Variants in CASTOR2 observed in about 807,000 individuals in gnomAD.
CASTOR2 encodes the protein GATS protein like 2.
A neutral mutation model predicts 31.2 loss-of-function variants in CASTOR2; 8 were observed. The ratio of observed to expected loss-of-function variants is 0.26; its 90% CI spans 0.15 to 0.46. CASTOR2 has a LOEUF of 0.46. CASTOR2 is among the 20% of genes least tolerant of loss of function. The pLI, the probability that CASTOR2 is intolerant of heterozygous loss-of-function variation, is 0.99. For missense variants in CASTOR2, 216 were observed against 382.1 expected, an observed-to-expected ratio of 0.57 and a Z score of 3.62; for synonymous variants, 162 against 158.7, an observed-to-expected ratio of 1.02 and a Z score of -0.16.
In CASTOR2 at chr7:75,016,289, C is replaced by A. The variant is rs1258939647; in HGVS notation, c.185-1309C>A. On this transcript the variant is annotated intron_variant, in intron 2 of 8. Coordinates refer to ENST00000616305, the MANE Select transcript of CASTOR2 (RefSeq NM_001145064.3). ...CAGGGCTACTCAGGGTCTCTGTCTG[C>A]AGGACAGGGTGGAAGGGATGGCTCC... 2.0e-5 allele frequency among the ~76,000 whole-genome samples: 3 copies of A among 152,198 alleles called. No individual in the cohort carries two copies. In the East Asian group the frequency reaches 5.8e-4, roughly 29 times the overall value.
intron 1 of CASTOR2, among the ~76,000 whole-genome samples, chr7:75,003,620 T>G (rs1451182848): frequency 1.9e-4 from 29 of 151,622 alleles, no homozygotes; most frequent in East Asian, 3.9e-4. Flanking sequence ...CGTGGTGGCG[T>G]GCGCCTGTAG....
In CASTOR2 at chr7:75,026,055, G is replaced by C. The variant is rs954525982; in HGVS notation, c.*1356G>C. Reference sequence around the variant, plus strand: ...GAGGGAACCCGAGGGCCATGGGGAGGTGGACAGCCAGGTGGCAGGCCAGCT... The same window carrying C: ...GAGGGAACCCGAGGGCCATGGGGAGCTGGACAGCCAGGTGGCAGGCCAGCT... On this transcript the variant is annotated 3_prime_UTR_variant, in exon 9 of 9. Transcript: ENST00000616305. Among the ~76,000 whole-genome samples the C allele has an allele frequency of 8.8e-4, 134 of 152,322 alleles. 1 individual carries two copies. The highest frequency in any genetic ancestry group is 3.2e-3 in the African/African-American group (134 of 41,588).
chr7:75,024,996 G>A lies in CASTOR2; in HGVS notation c.*297G>A, dbSNP rs1373205915. Among the ~76,000 whole-genome samples, 1 of 152,204 alleles carries A rather than the reference G, an allele frequency of 6.6e-6. No individual in the cohort carries two copies. Among genetic ancestry groups the A allele is most frequent in the African/African-American group, 2.4e-5 (1 of 41,462 alleles). Reference sequence around the variant, plus strand: ...GCCCAGGGAGCTTGTGAGCTGATCCGCCTTCTCATCCGGCCTCACCCACGG... The same window carrying A: ...GCCCAGGGAGCTTGTGAGCTGATCCACCTTCTCATCCGGCCTCACCCACGG... On this transcript the variant is annotated 3_prime_UTR_variant, in exon 9 of 9. Transcript: ENST00000616305.
At chr7:75,017,900 G>A (rs1804903002) in intron 3 of CASTOR2, 90 bp from the exon 4 acceptor site, 1 of 1,613,526 alleles carries the variant, frequency 6.2e-7, no homozygotes. Context: ...TTCCAGGGTG[G>A]GGGCAGAGTC....
intron 1 of CASTOR2, among the ~76,000 whole-genome samples, chr7:74,998,242 C>T (rs1457880301): frequency 3.9e-5 from 6 of 152,296 alleles, no homozygotes; most frequent in South Asian, 2.1e-4. Context: ...TTACAGACCT[C>T]GTACCAAGCC....
At position 75,024,554 on chromosome 7, in the gene CASTOR2, C is replaced by T. The variant is rs1805077087; in HGVS notation, c.924+20C>T. On this transcript the variant is annotated intron_variant, in intron 8 of 8. Coordinates refer to ENST00000616305, the MANE Select transcript of CASTOR2 (RefSeq NM_001145064.3). ...GCACTTGTGAGTGTCCAGCGCCAGA[C>T]CCCTCCAGGGCAGGGCCGGGGTGGG... is the stretch of plus-strand genomic sequence containing the variant. The T allele has an allele frequency of 1.9e-6, 3 of 1,551,430 alleles. No homozygotes were observed. The highest frequency in any genetic ancestry group is 2.7e-5 in the African/African-American group (2 of 73,046).
intron 1 of CASTOR2, among the ~76,000 whole-genome samples, chr7:75,004,266 C>G (rs1804561118): frequency 6.6e-6 from 1 of 152,114 alleles, no homozygotes; most frequent in Non-Finnish European, 1.5e-5. Context: ...GTCCTCAAAG[C>G]AATTATAGAT....
chr7:74,996,484 A>T (rs1361408221), intron 1 of CASTOR2, among the ~76,000 whole-genome samples: 1 of 151,630 alleles, frequency 6.6e-6, no homozygotes, highest in Non-Finnish European at 1.5e-5. Context: ...TTTAGGGTCA[A>T]ATATTTCCAT....
chr7:75,017,670 G>A lies in CASTOR2; in HGVS notation c.257G>A (p.Gly86Asp). ...WLALNVVSGG[G>D]SFSSSQPIGV... The stretch of plus-strand genomic sequence containing the variant: ...GCCCTGAACGTGGTGTCCGGCGGTG[G>A]CAGCTTCTCCAGCTCCCAGCCCATC... Residue 86 changes from glycine to aspartate, a missense_variant, in exon 3 of 9, where the codon GGC becomes GAC. Coordinates refer to ENST00000616305, the MANE Select transcript of CASTOR2 (RefSeq NM_001145064.3). 6.2e-7 allele frequency: 1 copy of A among 1,614,034 alleles called. No individual in the cohort carries two copies. Among genetic ancestry groups the A allele is most frequent in the South Asian group, 1.1e-5 (1 of 91,084 alleles).
intron 1 of CASTOR2, among the ~76,000 whole-genome samples, chr7:75,007,330 C>A (rs1804629005): frequency 6.6e-6 from 1 of 152,034 alleles, no homozygotes; most frequent in Non-Finnish European, 1.5e-5. Context: ...GGGTTCTGGT[C>A]CCTGTTTTTG....
chr7:74,973,054 G>A (rs587615728), intron 1 of CASTOR2, among the ~76,000 whole-genome samples: 1 of 149,478 alleles, frequency 6.7e-6, no homozygotes, highest in South Asian at 2.1e-4. Context: ...CTCATTCCTC[G>A]CAACACATTG....
intron 1 of CASTOR2, 100 bp from the exon 2 acceptor site, chr7:75,007,894 C>CT (rs1354265515): frequency 3.8e-6 from 6 of 1,576,328 alleles, no homozygotes; most frequent in Non-Finnish European, 5.2e-6. Context: ...GGCCGGAACT[C>CT]TGGGTGAACT....
intron 7 of CASTOR2, among the ~76,000 whole-genome samples, chr7:75,023,829 G>A (rs1468389846): frequency 1.3e-5 from 2 of 152,278 alleles, no homozygotes; most frequent in East Asian, 3.9e-4. Flanking sequence ...CATTCATGAG[G>A]AATCCACCCT....
At chr7:75,022,753 C>T (rs1805035291) in intron 7 of CASTOR2, among the ~76,000 whole-genome samples, 3 of 152,194 alleles carry the variant, frequency 2.0e-5, no homozygotes, top group African/African-American at 4.8e-5. Flanking sequence ...GAGCCAAGAT[C>T]GCTCCATTGC....
chr7:75,009,459 G>A (rs1224745876), intron 2 of CASTOR2, among the ~76,000 whole-genome samples: 2 of 150,832 alleles, frequency 1.3e-5, no homozygotes, highest in East Asian at 2.0e-4. Flanking sequence ...TAGTAGAGAT[G>A]GGGTTTCACC....
At chr7:75,011,558 C>A (rs1329319403) in intron 2 of CASTOR2, among the ~76,000 whole-genome samples, 1 of 151,484 alleles carries the variant, frequency 6.6e-6, no homozygotes, top group Non-Finnish European at 1.5e-5. Flanking sequence ...CATGGTGAAA[C>A]CCCATATCTA....
At chr7:74,985,605 A>AG (rs1804044239) in intron 1 of CASTOR2, among the ~76,000 whole-genome samples, 1 of 150,860 alleles carries the variant, frequency 6.6e-6, no homozygotes, top group Non-Finnish European at 1.5e-5. Flanking sequence ...AAAAAAAAAA[A>AG]AAAGAATCAT....
intron 7 of CASTOR2, among the ~76,000 whole-genome samples, chr7:75,024,112 A>C: frequency 6.6e-6 from 1 of 151,712 alleles, no homozygotes; most frequent in East Asian, 1.9e-4. Flanking sequence ...ACATGGTGAA[A>C]CCCCATCTCT....
rs1052299421 is a variant in CASTOR2 at position 75,030,844 on chromosome 7, C to T, written c.*6145C>T. Among the ~76,000 whole-genome samples the T allele has an allele frequency of 3.3e-4, 51 of 152,302 alleles. No individual in the cohort carries two copies. The highest frequency in any genetic ancestry group is 1.2e-3 in the African/African-American group (50 of 41,570). The stretch of plus-strand genomic sequence containing the variant: ...CCGTGCTGACTCTTCAAAGGCATCC[C>T]ATCCTGCAGATGGTGTTCACAGGGA... On this transcript the variant is annotated 3_prime_UTR_variant, in exon 9 of 9. Transcript: ENST00000616305.
Sources: allele counts gnomAD v4.1 joint callset (sites outside exome capture counted in the v4.1 genomes callset), GRCh38; gene constraint gnomAD v4.1.1; transcripts MANE v1.5; gene names NCBI Gene and HGNC (gene_info 2026-07-23, HGNC 2026-07-21).